The following QPCT variants were observed in gnomAD, a reference collection of about 807,000 sequenced individuals.
QPCT encodes the protein EC.
A neutral mutation model predicts 43.4 loss-of-function variants in QPCT; 44 were observed. That is an observed-to-expected ratio of 1.01 (90% CI 0.80 to 1.30). QPCT has a LOEUF of 1.30. QPCT is among the 50% of genes most tolerant of loss of function. QPCT has a pLI of 0.00. For synonymous variants in QPCT, 168 were observed against 168.4 expected, an observed-to-expected ratio of 1.00 and a Z score of 0.02; for missense variants, 526 against 436.5, an observed-to-expected ratio of 1.21 and a Z score of -1.83.
intron 3 of QPCT, among the ~76,000 whole-genome samples, chr2:37,365,830 T>G (rs1215778982): frequency 6.6e-6 from 1 of 151,822 alleles, no homozygotes; most frequent in Non-Finnish European, 1.5e-5. Flanking sequence ...CCTAGAAGAG[T>G]GCCAGAGTGA....
intron 3 of QPCT, 143 bp from the exon 4 acceptor site, chr2:37,367,089 A>T: frequency 1.2e-6 from 1 of 848,486 alleles, no homozygotes; most frequent in East Asian, 2.6e-5. Context: ...GTGGTGTGGA[A>T]TAAATTTTGC....
Position 37,372,942 on chromosome 2 carries a change from C to A in QPCT, c.*115C>A. On this transcript the variant is annotated 3_prime_UTR_variant, in exon 7 of 7. Transcript: ENST00000338415. The stretch of plus-strand genomic sequence containing the variant: ...GTGTGGAAACATCTATCCTATAGAT[C>A]ATCCTATTCTTATGTGTCTTTGGTT... 1.1e-6 allele frequency: 1 copy of A among 869,660 alleles called. No homozygotes were observed. Among genetic ancestry groups the A allele is most frequent in the Non-Finnish European group, 1.7e-6 (1 of 592,444 alleles). 53.9% of individuals were successfully genotyped at this position (869,660 alleles called of 1,614,324 possible). A position where few individuals can be genotyped will look rare whatever the true frequency, so the allele number is the denominator to read the frequency against.
intron 3 of QPCT, among the ~76,000 whole-genome samples, chr2:37,362,446 G>C (rs1270774657): frequency 6.6e-6 from 1 of 152,152 alleles, no homozygotes; most frequent in Non-Finnish European, 1.5e-5. Context: ...TGCTCTCCAG[G>C]AGTTATGGAG....
intron 6 of QPCT, 22 bp from the exon 7 acceptor site, chr2:37,372,660 C>T (rs1175866327): frequency 6.2e-7 from 1 of 1,607,928 alleles, no homozygotes; most frequent in South Asian, 1.1e-5. Flanking sequence ...CACATTGTTA[C>T]AAGTTGGTTC....
At chr2:37,354,356 T>C (rs897284270) in intron 2 of QPCT, among the ~76,000 whole-genome samples, 6 of 152,244 alleles carry the variant, frequency 3.9e-5, no homozygotes. Context: ...ATAATAGCAA[T>C]GATGGCTGAC....
intron 1 of QPCT, among the ~76,000 whole-genome samples, chr2:37,346,450 A>C (rs929732256): frequency 2.6e-5 from 4 of 152,250 alleles, no homozygotes; most frequent in African/African-American, 9.6e-5. Context: ...TTTGTGATAC[A>C]TCTAAATGGA....
At chr2:37,361,276 G>A (rs1369802170) in intron 3 of QPCT, among the ~76,000 whole-genome samples, 5 of 152,122 alleles carry the variant, frequency 3.3e-5, no homozygotes, top group East Asian at 3.9e-4. Context: ...TTGGGTAGAC[G>A]GTGGTGGAAA....
chr2:37,347,690 T>C (rs1039822450), intron 1 of QPCT, among the ~76,000 whole-genome samples: 25 of 152,312 alleles, frequency 1.6e-4, no homozygotes, highest in Admixed American at 3.9e-4. Context: ...TTACTTCTTC[T>C]GAATCTTCCC....
intron 3 of QPCT, among the ~76,000 whole-genome samples, chr2:37,362,526 C>T (rs1672873654): frequency 6.6e-6 from 1 of 152,148 alleles, no homozygotes; most frequent in African/African-American, 2.4e-5. Flanking sequence ...GATTAGCGTA[C>T]AAAATTAAGT....
At chr2:37,364,140 T>C (rs1219802213) in intron 3 of QPCT, among the ~76,000 whole-genome samples, 1 of 151,996 alleles carries the variant, frequency 6.6e-6, no homozygotes, top group East Asian at 1.9e-4. Context: ...CCCAGAAAAA[T>C]TAAATAGGAA....
Position 37,359,757 on chromosome 2 carries a change from T to G in QPCT, c.445T>G (p.Trp149Gly). 8 of 1,614,164 alleles carry G rather than the reference T, an allele frequency of 5.0e-6. No individual in the cohort carries two copies. The South Asian group carries it at 8.8e-5, about 18-fold the overall frequency. ...CTATGACTCCAAGTATTTTTCCCAC[T>G]GGAACAACAGAGTGTTTGTAGGAGC... ...CHYDSKYFSHWNNRVFVGATD... is the reference protein window; with the variant it reads ...CHYDSKYFSHGNNRVFVGATD... Residue 149 changes from tryptophan (W) to glycine (G), a missense_variant, in exon 3 of 7, where the codon TGG (tryptophan) becomes GGG (glycine). Coordinates refer to ENST00000338415, the MANE Select transcript of QPCT (RefSeq NM_012413.4).
At chr2:37,351,482 A>C (rs1346872272) in intron 1 of QPCT, among the ~76,000 whole-genome samples, 1 of 152,236 alleles carries the variant, frequency 6.6e-6, no homozygotes, top group Non-Finnish European at 1.5e-5. Flanking sequence ...TTTAAAAATA[A>C]TTTTAATTGA....
In QPCT at chr2:37,344,861, T is replaced by A; in HGVS notation, c.120+10T>A. The A allele has an allele frequency of 6.4e-7, 1 of 1,573,142 alleles. No homozygotes were observed. Among genetic ancestry groups the A allele is most frequent in the Non-Finnish European group, 8.6e-7 (1 of 1,161,768 alleles). ...CTGGCCAGAGGAGAAGGTGAGGGGC[T>A]GTTTCTGCGTAGTTGTACTTGAGCG... On this transcript the variant is annotated intron_variant, in intron 1 of 6. Coordinates refer to ENST00000338415, the MANE Select transcript of QPCT (RefSeq NM_012413.4).
intron 3 of QPCT, among the ~76,000 whole-genome samples, chr2:37,361,232 G>T (rs1044526323): frequency 1.3e-5 from 2 of 152,148 alleles, no homozygotes; most frequent in Non-Finnish European, 2.9e-5. Flanking sequence ...AACTAAATTG[G>T]TATTGAGAAG....
chr2:37,359,150 TG>T (rs542363338), intron 2 of QPCT, among the ~76,000 whole-genome samples: 246 of 152,094 alleles, frequency 1.6e-3, no homozygotes, highest in Non-Finnish European at 2.9e-3. Context: ...CATAATATAT[TG>T]TTAAAGGAGA....
Position 37,369,908 on chromosome 2 carries a change from T to C in QPCT, c.823+124T>C, listed in dbSNP as rs189918538. ...GGCTCACACCTGTAATCCTAGCACT[T>C]TGGGAGGCCAAGGCAGGCAGATCAG... On this transcript the variant is annotated intron_variant, in intron 5 of 6. Transcript: ENST00000338415. The C allele has an allele frequency of 4.5e-4, 388 of 859,776 alleles. No individual in the cohort carries two copies. The African/African-American group carries it at 5.8e-3, about 13-fold the overall frequency. The allele number at this position is 859,776 out of a possible 1,614,324, so 53.3% of individuals were successfully genotyped here.
At chr2:37,346,254 G>A (rs1207016505) in intron 1 of QPCT, among the ~76,000 whole-genome samples, 2 of 152,224 alleles carry the variant, frequency 1.3e-5, no homozygotes, top group African/African-American at 2.4e-5. Flanking sequence ...TGGTGGTAGT[G>A]AGGGAAGTCT....
intron 3 of QPCT, among the ~76,000 whole-genome samples, chr2:37,366,366 A>G (rs1343531258): frequency 6.6e-6 from 1 of 152,190 alleles, no homozygotes; most frequent in Non-Finnish European, 1.5e-5. Flanking sequence ...CAATTTCTAG[A>G]GGACTTTAAT....
chr2:37,359,212 A>G (rs1438430573), intron 2 of QPCT, among the ~76,000 whole-genome samples: 1 of 151,732 alleles, frequency 6.6e-6, no homozygotes, highest in Non-Finnish European at 1.5e-5. Flanking sequence ...CTACAAAAAC[A>G]TATGCCCCTC....
Sources: allele counts gnomAD v4.1 joint callset (sites outside exome capture counted in the v4.1 genomes callset), GRCh38; gene constraint gnomAD v4.1.1; transcripts MANE v1.5; gene names NCBI Gene and HGNC (gene_info 2026-07-23, HGNC 2026-07-21).